The following PCDHGB7 variants were observed in gnomAD, a reference collection of about 807,000 sequenced individuals.
PCDHGB7 encodes the protein protocadherin gamma subfamily B, 7, also known as protocadherin gamma-B7.
Under a neutral mutation model 61.4 loss-of-function variants are expected in PCDHGB7, and 37 were observed. That is an observed-to-expected ratio of 0.60 (90% CI 0.46 to 0.79). The LOEUF is 0.79. Ranked by LOEUF, PCDHGB7 falls within the 30% of genes least tolerant of loss-of-function variation. PCDHGB7 has a pLI of 0.00. For missense variants in PCDHGB7, 1,166 were observed against 1,202.5 expected, an observed-to-expected ratio of 0.97 and a Z score of 0.45; for synonymous variants, 464 against 503.5, an observed-to-expected ratio of 0.92 and a Z score of 1.05.
rs201458212 is a variant in PCDHGB7 at position 141,487,439 on chromosome 5, T to A, written c.2416-7368T>A. On this transcript the variant is annotated intron_variant, in intron 1 of 3. Coordinates refer to ENST00000398594, the MANE Select transcript of PCDHGB7 (RefSeq NM_018927.4). The surrounding 1 kb of genome is among the most constrained non-coding windows in gnomAD (Gnocchi z 5.0). ...TGGGATCCTCCGAATCCAGCTAGGG[T>A]CAGATGACCCTATCAAGTTTGTTGA... The A allele has an allele frequency of 1.5e-4, 242 of 1,613,808 alleles. No individual in the cohort carries two copies. Among genetic ancestry groups the A allele is most frequent in the Non-Finnish European group, 1.9e-4 (230 of 1,179,978 alleles).
At chr5:141,452,760 G>C (rs920853226) in intron 1 of PCDHGB7, among the ~76,000 whole-genome samples, 1 of 152,120 alleles carries the variant, frequency 6.6e-6, no homozygotes, top group African/African-American at 2.4e-5. Context: ...AAGGAAGGGA[G>C]GGAGGGAAAA....
At chr5:141,494,965 C>T in intron 2 of PCDHGB7, 100 bp downstream of exon 2, 1 of 1,592,636 alleles carries the variant, frequency 6.3e-7, no homozygotes, top group Non-Finnish European at 8.6e-7. Context: ...CTACAGATGG[C>T]TTCTCCCTCA....
At chr5:141,425,448 C>G (rs897473729) in intron 1 of PCDHGB7, among the ~76,000 whole-genome samples, 1 of 152,164 alleles carries the variant, frequency 6.6e-6, no homozygotes, top group African/African-American at 2.4e-5. Flanking sequence ...AAATAAAACA[C>G]CATCACATTT....
At chr5:141,463,438 C>CTTTTTT (rs71576115) in intron 1 of PCDHGB7, among the ~76,000 whole-genome samples, 4 of 103,256 alleles carry the variant, frequency 3.9e-5, no homozygotes, top group African/African-American at 1.3e-4. Context: ...TTTCCTTCTC[C>CTTTTTT]TTTTTTTTTT....
chr5:141,490,775 A>G lies in PCDHGB7; in HGVS notation c.2416-4032A>G. 6 of 1,614,110 alleles carry G rather than the reference A, an allele frequency of 3.7e-6. No homozygotes were observed. Among genetic ancestry groups the G allele is most frequent in the Non-Finnish European group, 5.1e-6 (6 of 1,179,964 alleles). On this transcript the variant is annotated intron_variant, in intron 1 of 3. Transcript: ENST00000398594. The surrounding 1 kb of genome is among the most constrained non-coding windows in gnomAD (Gnocchi z 5.4). ...TCCTCCTTTGTGTATGTCAACCCAG[A>G]GGATGGACGGATCTTTGCCCAGCGT...
rs1334965321 is a variant in PCDHGB7, at chr5:141,432,195, C to T, written c.2415+11921C>T. 3 of 1,614,088 alleles carry T rather than the reference C, an allele frequency of 1.9e-6. No homozygotes were observed. The Admixed American group carries it at 5.0e-5, about 27-fold the overall frequency. ...CTCGTCTCTGTGACCGCCCACGACC[C>T]CGACTGTGAAGAGAACGCCCAGATC... On this transcript the variant is annotated intron_variant, in intron 1 of 3. Transcript: ENST00000398594. This position sits in a 1 kb window ranked among gnomAD's most constrained non-coding sequence, Gnocchi z 6.0.
rs1335023784 is a variant in PCDHGB7 at position 141,490,877 on chromosome 5, C to CCAA, written c.2416-3927_2416-3925dup. 2.5e-6 allele frequency: 4 copies of CCAA among 1,613,762 alleles called. No homozygotes were observed. Among genetic ancestry groups the CCAA allele is most frequent in the Non-Finnish European group, 3.4e-6 (4 of 1,179,908 alleles). On this transcript the variant is annotated intron_variant, in intron 1 of 3. Transcript: ENST00000398594. This position sits in a 1 kb window ranked among gnomAD's most constrained non-coding sequence, Gnocchi z 5.4. ...GACTCCGGCTCTCCCCCATTGCATG[C>CCAA]CAACACATCTCTGCATGTGTTTGTC...
At chr5:141,433,085 G>A in intron 1 of PCDHGB7, 1 of 1,614,170 alleles carries the variant, frequency 6.2e-7, no homozygotes, top group Non-Finnish European at 8.5e-7. Flanking sequence ...GCCCAACTAT[G>A]CAGACATGCT....
At position 141,418,328 on chromosome 5, in the gene PCDHGB7, G is replaced by A. The variant is rs1298044571; in HGVS notation, c.469G>A (p.Ala157Thr). 6.2e-7 allele frequency: 1 copy of A among 1,614,002 alleles called. No homozygotes were observed. The highest frequency in any genetic ancestry group is 8.5e-7 in the Non-Finnish European group (1 of 1,179,896). The change falls in exon 1 of 4, where the codon GCA (alanine) becomes ACA (threonine). Residue 157 changes from alanine (A) to threonine (T), a missense_variant. Coordinates refer to ENST00000398594, the MANE Select transcript of PCDHGB7 (RefSeq NM_018927.4). ...SLGMGTILES[A>T]EDPDISMNSL... Reference sequence around the variant, plus strand: ...GGGGATGGGAACAATTCTTGAGTCTGCAGAAGATCCTGATATTAGTATGAA... The same window carrying A: ...GGGGATGGGAACAATTCTTGAGTCTACAGAAGATCCTGATATTAGTATGAA...
At chr5:141,482,888 A>G (rs1012212528) in intron 1 of PCDHGB7, among the ~76,000 whole-genome samples, 3 of 152,208 alleles carry the variant, frequency 2.0e-5, no homozygotes, top group African/African-American at 7.2e-5. Context: ...CCTGGCCAAC[A>G]TGGTGAAACC....
chr5:141,424,768 A>G (rs143190880), intron 1 of PCDHGB7: 38 of 152,284 alleles, frequency 2.5e-4, no homozygotes, highest in African/African-American at 9.1e-4. Context: ...TCTTATGGCA[A>G]ATAGTACATT....
intron 1 of PCDHGB7, among the ~76,000 whole-genome samples, chr5:141,472,145 A>G (rs1376068421): frequency 6.6e-6 from 1 of 152,244 alleles, no homozygotes; most frequent in Non-Finnish European, 1.5e-5. Flanking sequence ...TAAAAGTTTC[A>G]TGGTTACATA....
intron 1 of PCDHGB7, among the ~76,000 whole-genome samples, chr5:141,447,895 G>A (rs931589569): frequency 1.3e-5 from 2 of 152,068 alleles, no homozygotes; most frequent in Non-Finnish European, 2.9e-5. Context: ...AGACCAGCCT[G>A]GCCAACATGG....
rs549866784 is a variant in PCDHGB7, at chr5:141,437,490, A to G, written c.2415+17216A>G. ...TTTTATAGCATATTTAATCTCGTAGATCACTTTTCAATGAATTATAAGGCT... is the reference window on the plus strand; with the variant it reads ...TTTTATAGCATATTTAATCTCGTAGGTCACTTTTCAATGAATTATAAGGCT... On this transcript the variant is annotated intron_variant, in intron 1 of 3. Coordinates refer to ENST00000398594, the MANE Select transcript of PCDHGB7 (RefSeq NM_018927.4). 2.0e-5 allele frequency among the ~76,000 whole-genome samples: 3 copies of G among 152,308 alleles called. No homozygotes were observed. In the East Asian group the frequency reaches 5.8e-4, roughly 29 times the overall value.
Position 141,485,092 on chromosome 5 carries a change from G to C in PCDHGB7, c.2416-9715G>C, listed in dbSNP as rs2099606725. 3.8e-6 allele frequency: 4 copies of C among 1,065,492 alleles called. No homozygotes were observed. Among genetic ancestry groups the C allele is most frequent in the Non-Finnish European group, 5.6e-6 (4 of 708,358 alleles). The allele number at this position is 1,065,492 out of a possible 1,614,324, so 66.0% of individuals were successfully genotyped here. A position where few individuals can be genotyped will look rare whatever the true frequency, so the allele number is the denominator to read the frequency against. Reference sequence around the variant, plus strand: ...CTGGCGCGGGGAAAGGGAGATAGGTGTCTCCAGCTGCTGTGGCTGTTTGGG... The same window carrying C: ...CTGGCGCGGGGAAAGGGAGATAGGTCTCTCCAGCTGCTGTGGCTGTTTGGG... On this transcript the variant is annotated intron_variant, in intron 1 of 3. Coordinates refer to ENST00000398594, the MANE Select transcript of PCDHGB7 (RefSeq NM_018927.4). This position sits in a 1 kb window ranked among gnomAD's most constrained non-coding sequence, Gnocchi z 5.7.
chr5:141,439,830 C>T (rs2098134193), intron 1 of PCDHGB7: 1 of 152,352 alleles, frequency 6.6e-6, no homozygotes, highest in South Asian at 2.1e-4. Context: ...GCTGGAGCAG[C>T]AGCAACTCTA....
rs1018272442 is a variant in PCDHGB7 at position 141,419,770 on chromosome 5, G to T, written c.1911G>T (p.Ser637=). The stretch of plus-strand genomic sequence containing the variant: ...TGCGTGCTTTGGGTGACAAGGACTC[G>T]GTCCGCCAGCGCCTGCTAGTCGCTG... ...RMVRALGDKD[S]VRQRLLVAVR... The change falls in exon 1 of 4, where the codon TCG becomes TCT. Residue 637 remains serine, a synonymous_variant. Transcript: ENST00000398594. 6.2e-6 allele frequency: 10 copies of T among 1,613,888 alleles called. No homozygotes were observed. The African/African-American group carries it at 1.2e-4, about 19-fold the overall frequency.
intron 2 of PCDHGB7, among the ~76,000 whole-genome samples, chr5:141,504,689 G>A (rs1395389800): frequency 6.6e-6 from 1 of 151,502 alleles, no homozygotes; most frequent in South Asian, 2.1e-4. Context: ...TAAAATAGGA[G>A]GGGCAGGTTC....
At position 141,430,677 on chromosome 5, in the gene PCDHGB7, T is replaced by C. The variant is rs888907330; in HGVS notation, c.2415+10403T>C. On this transcript the variant is annotated intron_variant, in intron 1 of 3. Coordinates refer to ENST00000398594, the MANE Select transcript of PCDHGB7 (RefSeq NM_018927.4). ...AACGGAGGAGCTCTGACTTCCCAAC[T>C]GTCCCATTCTATGGGCGAAGGAACT... 1.2e-5 allele frequency: 15 copies of C among 1,303,020 alleles called. No individual in the cohort carries two copies. In the African/African-American group the frequency reaches 2.1e-4, roughly 18 times the overall value. The allele number at this position is 1,303,020 out of a possible 1,614,324, so 80.7% of individuals were successfully genotyped here. A position where few individuals can be genotyped will look rare whatever the true frequency, so the allele number is the denominator to read the frequency against.
Sources: gnomAD v4.1 joint callset for allele counts (sites outside exome capture counted in the v4.1 genomes callset) on GRCh38, gnomAD v4.1.1 for gene constraint, Gnocchi (gnomAD v3.1) non-coding constraint, MANE v1.5 for transcripts, NCBI Gene and HGNC (gene_info 2026-07-23, HGNC 2026-07-21) for gene names.